The following ANKRD30BL variants were observed in gnomAD, a reference collection of about 807,000 sequenced individuals.
ANKRD30BL encodes the protein putative ankyrin repeat domain-containing protein 30B-like.
Under a neutral mutation model 18.4 loss-of-function variants are expected in ANKRD30BL, and 20 were observed. The ratio of observed to expected loss-of-function variants is 1.09; its 90% CI spans 0.77 to 1.58. The LOEUF (loss-of-function observed/expected upper bound fraction) is 1.58. ANKRD30BL is among the 40% of genes most tolerant of loss of function. The pLI is 0.00. For synonymous variants in ANKRD30BL, 72 were observed against 100.9 expected, an observed-to-expected ratio of 0.71 and a Z score of 1.72; for missense variants, 224 against 268.6, an observed-to-expected ratio of 0.83 and a Z score of 1.16.
intron 1 of ANKRD30BL, among the ~76,000 whole-genome samples, chr2:132,231,322 C>G (rs948122469): frequency 1.4e-4 from 22 of 151,950 alleles, no homozygotes; most frequent in Non-Finnish European, 2.6e-4. Context: ...ACGGGAATGT[C>G]GAAGGGGGAG....
intron 1 of ANKRD30BL, among the ~76,000 whole-genome samples, chr2:132,230,203 GAAT>G (rs1422393751): frequency 6.6e-6 from 1 of 152,124 alleles, no homozygotes; most frequent in Non-Finnish European, 1.5e-5. Flanking sequence ...TCACAGAGTT[GAAT>G]ATACGTTTTC....
chr2:132,222,943 C>T (rs1679735066), intron 1 of ANKRD30BL, among the ~76,000 whole-genome samples: 1 of 144,154 alleles, frequency 6.9e-6, no homozygotes, highest in Non-Finnish European at 1.5e-5. Context: ...AATATGTTCA[C>T]ATAAAAACTA....
intron 1 of ANKRD30BL, among the ~76,000 whole-genome samples, chr2:132,250,744 T>C (rs1349643437): frequency 6.6e-6 from 1 of 152,224 alleles, no homozygotes; most frequent in Non-Finnish European, 1.5e-5. Context: ...AATACTGAAC[T>C]ACTTATGTTT....
At chr2:132,170,060 T>C (rs1423913150) in intron 1 of ANKRD30BL, among the ~76,000 whole-genome samples, 2 of 152,208 alleles carry the variant, frequency 1.3e-5, no homozygotes, top group Admixed American at 1.3e-4. Context: ...CAGTTTCTTT[T>C]TCTAGCTCTG....
chr2:132,230,535 C>G lies in ANKRD30BL; in HGVS notation n.441+26994G>C, dbSNP rs572052218. 2.6e-3 allele frequency among the ~76,000 whole-genome samples: 400 copies of G among 152,142 alleles called. 4 individuals are homozygous for G. Among genetic ancestry groups the G allele is most frequent in the African/African-American group, 9.1e-3 (379 of 41,538 alleles). On this transcript the variant is annotated intron_variant and non_coding_transcript_variant, in intron 1 of 4. Transcript: ENST00000470729. ...TTATTTATGATGTTTGCATTCAGCT[C>G]ACAGAGTTGAACATAGCTTTTCATG...
chr2:132,150,940 T>G lies in ANKRD30BL; in HGVS notation c.651A>C (p.Ile217=), dbSNP rs532592404. 60 of 626,432 alleles carry G rather than the reference T, an allele frequency of 9.6e-5. No homozygotes were observed. In the South Asian group the frequency reaches 1.0e-3, roughly 11 times the overall value. The allele number at this position is 626,432 out of a possible 1,614,324, so 38.8% of individuals were successfully genotyped here. ...GATTACTATTTTGAGAATTTTTAGA[T>G]ATCTTTTGTTTATATTCCAAAAGTT... ...HQQLLEYKQK[I]SKNSQNSNPE... Residue 217 remains isoleucine, a synonymous_variant, in exon 5 of 6, where the codon ATA becomes ATC. Transcript: ENST00000409867.
intron 3 of ANKRD30BL, 78 bp downstream of exon 3, chr2:132,156,895 T>C: frequency 2.2e-6 from 1 of 462,800 alleles, no homozygotes; most frequent in Non-Finnish European, 3.7e-6. Flanking sequence ...AGCTTCCAAA[T>C]ATAAAACAAT....
At chr2:132,151,581 A>G (rs1687758394) in intron 4 of ANKRD30BL, among the ~76,000 whole-genome samples, 1 of 151,510 alleles carries the variant, frequency 6.6e-6, no homozygotes, top group South Asian at 2.1e-4. Context: ...CCTGGGCAAC[A>G]TAGGGAGACC....
upstream of ANKRD30BL, among the ~76,000 whole-genome samples, chr2:132,165,067 C>T (rs531478006): frequency 4.9e-4 from 74 of 151,030 alleles, no homozygotes; most frequent in Middle Eastern, 6.8e-3. Context: ...GAGCAGACTC[C>T]GTCTCAAAAC....
intron 1 of ANKRD30BL, among the ~76,000 whole-genome samples, chr2:132,232,255 G>C (rs553481614): frequency 2.6e-5 from 4 of 152,130 alleles, no homozygotes; most frequent in Admixed American, 6.6e-5. Flanking sequence ...CAGAAAAACT[G>C]GAAACTCTAA....
intron 1 of ANKRD30BL, among the ~76,000 whole-genome samples, chr2:132,194,191 T>C (rs1259094317): frequency 6.6e-6 from 1 of 151,918 alleles, no homozygotes; most frequent in Non-Finnish European, 1.5e-5. Flanking sequence ...TGGGCTAGAG[T>C]TGGTCTCATT....
intron 1 of ANKRD30BL, among the ~76,000 whole-genome samples, chr2:132,238,616 C>T (rs1199765706): frequency 6.6e-6 from 1 of 151,922 alleles, no homozygotes; most frequent in Non-Finnish European, 1.5e-5. Context: ...AAGGAAATCT[C>T]TTCCCATAAA....
At position 132,148,783 on chromosome 2, in the gene ANKRD30BL, C is replaced by T. The variant is rs994378899; in HGVS notation, c.680-555G>A. On this transcript the variant is annotated intron_variant, in intron 5 of 5. Coordinates refer to ENST00000409867, the MANE Select transcript of ANKRD30BL (RefSeq NM_001358416.1). ...AATTATAAGCTCCCAAAGGGGTTCT[C>T]GCACAGAGTAAGCACTAAATAAAGT... 1.8e-4 allele frequency among the ~76,000 whole-genome samples: 26 copies of T among 148,310 alleles called. 2 individuals are homozygous for T. Among genetic ancestry groups the T allele is most frequent in the South Asian group, 1.5e-3 (7 of 4,578 alleles).
chr2:132,208,312 C>G (rs1679250245), intron 1 of ANKRD30BL, among the ~76,000 whole-genome samples: 1 of 152,138 alleles, frequency 6.6e-6, no homozygotes, highest in South Asian at 2.1e-4. Context: ...CTTTCCCTAT[C>G]CCTTCCTTCC....
rs1343222886 is a variant in ANKRD30BL, at chr2:132,148,190, A to G, written c.718T>C (p.Leu240=). Residue 240 remains leucine (L), a synonymous_variant, in exon 6 of 6, where the codon TTG becomes CTG. Transcript: ENST00000409867. ...GCCGTGTCAGGTGTTCTTTCCGCCA[A>G]GGGTGCAGCCTCATCAGGTGTTCCT... is the stretch of plus-strand genomic sequence containing the variant. ...SEGTPDEAAP[L]AERTPDTAES... 1 of 1,605,664 alleles carries G rather than the reference A, an allele frequency of 6.2e-7. No homozygotes were observed. Among genetic ancestry groups the G allele is most frequent in the Non-Finnish European group, 8.5e-7 (1 of 1,176,750 alleles).
At chr2:132,202,291 T>C (rs1029829571) in intron 1 of ANKRD30BL, among the ~76,000 whole-genome samples, 3 of 151,834 alleles carry the variant, frequency 2.0e-5, no homozygotes, top group Non-Finnish European at 2.9e-5. Flanking sequence ...TAAAGTATAA[T>C]AATAAACATA....
intron 1 of ANKRD30BL, among the ~76,000 whole-genome samples, chr2:132,189,984 A>C (rs966751860): frequency 2.0e-5 from 3 of 151,944 alleles, no homozygotes; most frequent in Non-Finnish European, 4.4e-5. Flanking sequence ...TGATAACATA[A>C]AATAGTGGAC....
chr2:132,244,811 C>T (rs1034135318), intron 1 of ANKRD30BL, among the ~76,000 whole-genome samples: 2 of 152,276 alleles, frequency 1.3e-5, no homozygotes, highest in African/African-American at 4.8e-5. Flanking sequence ...GTGATGTTTG[C>T]ATTCATCTCA....
chr2:132,233,234 C>T (rs1455823883), intron 1 of ANKRD30BL, among the ~76,000 whole-genome samples: 5 of 151,856 alleles, frequency 3.3e-5, no homozygotes, highest in East Asian at 1.9e-4. Flanking sequence ...CAAAATCATG[C>T]CAAAATGTAA....
Sources: gnomAD v4.1 joint callset for allele counts (sites outside exome capture counted in the v4.1 genomes callset) on GRCh38, gnomAD v4.1.1 for gene constraint, MANE v1.5 for transcripts, NCBI Gene and HGNC (gene_info 2026-07-23, HGNC 2026-07-21) for gene names.